REL: variants seen among roughly 807,000 people sequenced by gnomAD.
REL encodes the protein REL proto-oncogene, NF-kB subunit.
REL carries 15 observed loss-of-function variants against 45.9 expected under a neutral mutation model. The ratio of observed to expected loss-of-function variants is 0.33; its 90% CI spans 0.22 to 0.50. The LOEUF (loss-of-function observed/expected upper bound fraction) is 0.50, where lower values mean the gene tolerates loss of function less well. Ranked by LOEUF, REL falls within the 20% of genes least tolerant of loss-of-function variation. The pLI is 0.98. For missense variants in REL, 601 were observed against 715.2 expected (o/e 0.84, Z 1.82); for synonymous variants, 239 against 242.1 (o/e 0.99, Z 0.12).
At chr2:60,918,730 G>T in intron 7 of REL, 124 bp downstream of exon 7, 6 of 707,992 alleles carry the variant, frequency 8.5e-6, no homozygotes, top group Non-Finnish European at 9.4e-6. Flanking sequence ...TTTCCTGGAA[G>T]CTTTCTGTTG....
chr2:60,912,504 T>C (rs985446916), intron 4 of REL, among the ~76,000 whole-genome samples: 2 of 152,134 alleles, frequency 1.3e-5, no homozygotes, highest in African/African-American at 4.8e-5. Flanking sequence ...GACATCATCC[T>C]AGAAGACATT....
intron 1 of REL, among the ~76,000 whole-genome samples, chr2:60,882,909 T>C (rs1672981068): frequency 6.6e-6 from 1 of 152,134 alleles, no homozygotes; most frequent in African/African-American, 2.4e-5. Context: ...GGGGAATAAG[T>C]TTGTAAGAAA....
intron 4 of REL, among the ~76,000 whole-genome samples, chr2:60,903,342 A>G (rs1468839305): frequency 6.6e-6 from 1 of 152,206 alleles, no homozygotes; most frequent in Non-Finnish European, 1.5e-5. Context: ...GGCATTAAAA[A>G]GGAAGATGCT....
At position 60,931,058 on chromosome 2, in the gene REL, A is replaced by T. The variant is rs2104005851; in HGVS notation, c.*8523A>T. Reference sequence around the variant, plus strand: ...CTAATCAAACATAGTTTTCCATAAGATGTAATAAAATATAGATAAGGTTGG... The same window carrying T: ...CTAATCAAACATAGTTTTCCATAAGTTGTAATAAAATATAGATAAGGTTGG... On this transcript the variant is annotated 3_prime_UTR_variant, in exon 10 of 10. Transcript: ENST00000394479. 6.6e-6 allele frequency: 1 copy of T among 152,474 alleles called. No individual in the cohort carries two copies. Among genetic ancestry groups the T allele is most frequent in the South Asian group, 2.1e-4 (1 of 4,828 alleles). The allele number at this position is 152,474 out of a possible 1,614,324, so 9.4% of individuals were successfully genotyped here.
chr2:60,914,902 C>T (rs1237777714), intron 4 of REL, among the ~76,000 whole-genome samples: 2 of 138,598 alleles, frequency 1.4e-5, no homozygotes, highest in East Asian at 2.1e-4. Flanking sequence ...GGCACAATTT[C>T]GGCTCACTGC....
In REL at chr2:60,925,588, T is replaced by C. The variant is rs1420217921; in HGVS notation, c.*3053T>C. ...ATAAATTTTTAAAATCATAAGCACA[T>C]AAATAGAACTTACCAGGGAGAAAGA... On this transcript the variant is annotated 3_prime_UTR_variant, in exon 10 of 10. Coordinates refer to ENST00000394479, the MANE Select transcript of REL (RefSeq NM_001291746.2). The C allele has an allele frequency of 1.6e-5, 3 of 183,148 alleles. No individual in the cohort carries two copies. The highest frequency in any genetic ancestry group is 3.5e-5 in the Non-Finnish European group (3 of 86,468). The allele number at this position is 183,148 out of a possible 1,614,324, so 11.3% of individuals were successfully genotyped here. A position where few individuals can be genotyped will look rare whatever the true frequency, so the allele number is the denominator to read the frequency against.
chr2:60,927,718 T>C lies in REL; in HGVS notation c.*5183T>C, dbSNP rs1202500873. 2.2e-5 allele frequency: 5 copies of C among 229,176 alleles called. No individual in the cohort carries two copies. Among genetic ancestry groups the C allele is most frequent in the Non-Finnish European group, 2.6e-5 (3 of 115,490 alleles). 14.2% of individuals were successfully genotyped at this position (229,176 alleles called of 1,614,324 possible). A position where few individuals can be genotyped will look rare whatever the true frequency, so the allele number is the denominator to read the frequency against. On this transcript the variant is annotated 3_prime_UTR_variant, in exon 10 of 10. Coordinates refer to ENST00000394479, the MANE Select transcript of REL (RefSeq NM_001291746.2). ...CTCTCAAAGATGTCAGTCTTTTTCT[T>C]TGCAAGGATAACACATGTAGAGTAA... is the stretch of plus-strand genomic sequence containing the variant.
chr2:60,905,914 C>G (rs948320715), intron 4 of REL, among the ~76,000 whole-genome samples: 1 of 152,124 alleles, frequency 6.6e-6, no homozygotes, highest in African/African-American at 2.4e-5. Flanking sequence ...CTTAGGACAG[C>G]GATACCCTAT....
At chr2:60,917,253 GTCA>G (rs1234603987) in intron 5 of REL, among the ~76,000 whole-genome samples, 2 of 152,070 alleles carry the variant, frequency 1.3e-5, no homozygotes, top group East Asian at 1.9e-4. Flanking sequence ...CAGATACATT[GTCA>G]TCATCATCAT....
intron 4 of REL, among the ~76,000 whole-genome samples, chr2:60,906,336 T>C (rs1558805090): frequency 6.6e-6 from 1 of 152,214 alleles, no homozygotes; most frequent in Non-Finnish European, 1.5e-5. Flanking sequence ...CTTCTTTTTC[T>C]TTCTCTCTTG....
rs1477536515 is a variant in REL at position 60,928,043 on chromosome 2, G to A, written c.*5508G>A. 1 of 199,868 alleles carries A rather than the reference G, an allele frequency of 5.0e-6. No homozygotes were observed. Among genetic ancestry groups the A allele is most frequent in the Non-Finnish European group, 1.0e-5 (1 of 96,828 alleles). The allele number at this position is 199,868 out of a possible 1,614,324, so 12.4% of individuals were successfully genotyped here. A position where few individuals can be genotyped will look rare whatever the true frequency, so the allele number is the denominator to read the frequency against. On this transcript the variant is annotated 3_prime_UTR_variant, in exon 10 of 10. Coordinates refer to ENST00000394479, the MANE Select transcript of REL (RefSeq NM_001291746.2). ...AGACATGGAGCAGGGCACTGGCATG[G>A]TGGATGGATCACGCCTGTAATCCCA...
At chr2:60,918,363 A>AT (rs149570046) in intron 6 of REL, 31 bp from the exon 7 acceptor site, 85,367 of 1,174,152 alleles carry the variant, frequency 0.073, 165 homozygotes, top group African/African-American at 0.12. Flanking sequence ...TTGTTTTCCC[A>AT]TTTTTTTTTT....
chr2:60,930,717 T>C lies in REL; in HGVS notation c.*8182T>C, dbSNP rs1674367471. 6.6e-6 allele frequency: 1 copy of C among 152,374 alleles called. No homozygotes were observed. Among genetic ancestry groups the C allele is most frequent in the Non-Finnish European group, 1.5e-5 (1 of 68,016 alleles). The allele number at this position is 152,374 out of a possible 1,614,324, so 9.4% of individuals were successfully genotyped here. On this transcript the variant is annotated 3_prime_UTR_variant, in exon 10 of 10. Coordinates refer to ENST00000394479, the MANE Select transcript of REL (RefSeq NM_001291746.2). ...TCAAAAGTAATCACTCTATTTATTC[T>C]AAATGTCTGTGGCTTTAGGAAAATA...
chr2:60,889,399 C>T (rs1673150424), intron 1 of REL, among the ~76,000 whole-genome samples: 1 of 152,078 alleles, frequency 6.6e-6, no homozygotes, highest in Admixed American at 6.6e-5. Context: ...GTTGGGATAC[C>T]ACCATAGTAT....
rs1023915483 is a variant in REL at position 60,927,695 on chromosome 2, C to T, written c.*5160C>T. The T allele has an allele frequency of 8.7e-6, 2 of 229,438 alleles. No homozygotes were observed. Among genetic ancestry groups the T allele is most frequent in the South Asian group, 3.6e-4 (2 of 5,512 alleles). 14.2% of individuals were successfully genotyped at this position (229,438 alleles called of 1,614,324 possible). A position where few individuals can be genotyped will look rare whatever the true frequency, so the allele number is the denominator to read the frequency against. On this transcript the variant is annotated 3_prime_UTR_variant, in exon 10 of 10. Transcript: ENST00000394479. ...GGTGAATAAGACAAAAACTCTTGCT[C>T]TCAAAGATGTCAGTCTTTTTCTTTG...
Position 60,922,549 on chromosome 2 carries a change from A to C in REL, c.*14A>C, listed in dbSNP as rs1573349423. The stretch of plus-strand genomic sequence containing the variant: ...TTTCAAGTATAACTTGCAAGATTTA[A>C]ATCCTTTTAAATCTTGATACCACCT... On this transcript the variant is annotated 3_prime_UTR_variant, in exon 10 of 10. Coordinates refer to ENST00000394479, the MANE Select transcript of REL (RefSeq NM_001291746.2). 1 of 1,573,634 alleles carries C rather than the reference A, an allele frequency of 6.4e-7. No homozygotes were observed.
At position 60,925,981 on chromosome 2, in the gene REL, G is replaced by A. The variant is rs1674258860; in HGVS notation, c.*3446G>A. ...TCCCAATGGATTTTTCATTTTTCAG[G>A]TGCTATTTTTTGACCCTGTATAGAC... On this transcript the variant is annotated 3_prime_UTR_variant, in exon 10 of 10. Transcript: ENST00000394479. The A allele has an allele frequency of 8.8e-6, 2 of 226,448 alleles. No individual in the cohort carries two copies. Among genetic ancestry groups the A allele is most frequent in the East Asian group, 6.4e-5 (1 of 15,734 alleles). 14.0% of individuals were successfully genotyped at this position (226,448 alleles called of 1,614,324 possible).
At position 60,930,356 on chromosome 2, in the gene REL, C is replaced by G. The variant is rs965223855; in HGVS notation, c.*7821C>G. 1 of 152,262 alleles carries G rather than the reference C, an allele frequency of 6.6e-6. No homozygotes were observed. The allele number at this position is 152,262 out of a possible 1,614,324, so 9.4% of individuals were successfully genotyped here. ...TGGATTAGGTTCTTTAGTAAGAAAC[C>G]TGAGATGGACTTCTCATTAGCATTA... On this transcript the variant is annotated 3_prime_UTR_variant, in exon 10 of 10. Transcript: ENST00000394479.
intron 4 of REL, among the ~76,000 whole-genome samples, chr2:60,909,739 A>G (rs996313676): frequency 2.6e-5 from 4 of 152,144 alleles, no homozygotes; most frequent in African/African-American, 9.7e-5. Context: ...TATCTCTACT[A>G]AAAATACAAA....
Sources: allele counts gnomAD v4.1 joint callset (sites outside exome capture counted in the v4.1 genomes callset), GRCh38; gene constraint gnomAD v4.1.1; transcripts MANE v1.5; gene names NCBI Gene and HGNC (gene_info 2026-07-23, HGNC 2026-07-21).